Variants in DPYD observed in about 807,000 individuals in gnomAD.
DPYD encodes the protein dihydropyrimidine dehydrogenase [NADP(+)].
DPYD carries 109 observed loss-of-function variants against 116.2 expected under a neutral mutation model. That is an observed-to-expected ratio of 0.94 (90% CI 0.80 to 1.10). The LOEUF (loss-of-function observed/expected upper bound fraction) is 1.10. Ranked by LOEUF, DPYD falls within the 50% of genes least tolerant of loss-of-function variation. DPYD has a pLI of 0.00. For synonymous variants in DPYD, 440 were observed against 432.0 expected, an observed-to-expected ratio of 1.02 and a Z score of -0.23; for missense variants, 1,302 against 1,254.5, an observed-to-expected ratio of 1.04 and a Z score of -0.57.
At chr1:97,367,447 G>A (rs1037301368) in intron 16 of DPYD, among the ~76,000 whole-genome samples, 12 of 151,968 alleles carry the variant, frequency 7.9e-5, no homozygotes, top group African/African-American at 2.2e-4. Context: ...TAGCTAAATC[G>A]TCATGAAAGC....
intron 3 of DPYD, among the ~76,000 whole-genome samples, chr1:97,814,127 A>G (rs1350207780): frequency 6.6e-6 from 1 of 152,152 alleles, no homozygotes; most frequent in African/African-American, 2.4e-5. Context: ...TGAAGCTGAG[A>G]GCTGAATAGC....
At chr1:97,172,661 C>T (rs751871014) in intron 20 of DPYD, among the ~76,000 whole-genome samples, 4 of 152,166 alleles carry the variant, frequency 2.6e-5, no homozygotes, top group Non-Finnish European at 5.9e-5. Flanking sequence ...AATGTAAAAG[C>T]GAAACTCACA....
At chr1:97,318,879 A>G (rs1176419432) in intron 16 of DPYD, among the ~76,000 whole-genome samples, 3 of 149,324 alleles carry the variant, frequency 2.0e-5, no homozygotes, top group East Asian at 2.0e-4. Flanking sequence ...ATAACAAACT[A>G]TCTCTCAGAC....
chr1:97,735,249 A>T (rs1042908330), intron 4 of DPYD, among the ~76,000 whole-genome samples: 2 of 152,156 alleles, frequency 1.3e-5, no homozygotes, highest in Non-Finnish European at 2.9e-5. Flanking sequence ...ATAATAATAA[A>T]AATTCAATGA....
chr1:97,607,342 T>G (rs1340490342), intron 8 of DPYD, among the ~76,000 whole-genome samples: 1 of 151,942 alleles, frequency 6.6e-6, no homozygotes, highest in Non-Finnish European at 1.5e-5. Context: ...TTCTAATTTT[T>G]TTTTATTACA....
At chr1:97,479,849 T>A (rs1196950365) in intron 13 of DPYD, among the ~76,000 whole-genome samples, 1 of 152,224 alleles carries the variant, frequency 6.6e-6, no homozygotes, top group East Asian at 1.9e-4. Flanking sequence ...CATTCCTATA[T>A]TTGTTCTTAC....
chr1:97,470,133 C>T (rs1677560467), intron 13 of DPYD, among the ~76,000 whole-genome samples: 1 of 152,002 alleles, frequency 6.6e-6, no homozygotes, highest in Non-Finnish European at 1.5e-5. Flanking sequence ...TCATACATTC[C>T]CCCTGCATTT....
intron 19 of DPYD, among the ~76,000 whole-genome samples, chr1:97,196,643 C>G (rs1370382564): frequency 6.6e-6 from 1 of 152,064 alleles, no homozygotes; most frequent in Non-Finnish European, 1.5e-5. Context: ...CTTTAGTCCT[C>G]AAGATAACCC....
chr1:97,739,145 T>C (rs547947484), intron 4 of DPYD, among the ~76,000 whole-genome samples: 2 of 152,122 alleles, frequency 1.3e-5, no homozygotes, highest in Admixed American at 6.6e-5. Context: ...GAGATCTTTA[T>C]TAAAAAATGT....
intron 2 of DPYD, among the ~76,000 whole-genome samples, chr1:97,837,084 G>T (rs780537722): frequency 1.3e-5 from 2 of 152,016 alleles, no homozygotes; most frequent in Non-Finnish European, 2.9e-5. Flanking sequence ...ATATCCTTCT[G>T]GTTTTGGAGG....
At chr1:97,481,370 T>C (rs1309909419) in intron 13 of DPYD, among the ~76,000 whole-genome samples, 1 of 152,234 alleles carries the variant, frequency 6.6e-6, no homozygotes, top group African/African-American at 2.4e-5. Flanking sequence ...GTTGTTGAGA[T>C]ACTTTTGGAA....
At chr1:97,597,563 G>A (rs1348397662) in intron 8 of DPYD, among the ~76,000 whole-genome samples, 4 of 152,198 alleles carry the variant, frequency 2.6e-5, no homozygotes, top group African/African-American at 4.8e-5. Flanking sequence ...GGTAGGTATT[G>A]CTGGGAAAGC....
chr1:97,090,714 A>G, intron 21 of DPYD, among the ~76,000 whole-genome samples: 1 of 152,196 alleles, frequency 6.6e-6, no homozygotes, highest in South Asian at 2.1e-4. Flanking sequence ...GAGCTCCATA[A>G]GGATAGACGT....
At chr1:97,372,538 C>A (rs1446840219) in intron 16 of DPYD, among the ~76,000 whole-genome samples, 1 of 152,074 alleles carries the variant, frequency 6.6e-6, no homozygotes, top group African/African-American at 2.4e-5. Context: ...TTTGACTAGA[C>A]CCTCCTTTCT....
chr1:97,278,432 A>G (rs1665096120), intron 18 of DPYD, among the ~76,000 whole-genome samples: 1 of 152,250 alleles, frequency 6.6e-6, no homozygotes, highest in South Asian at 2.1e-4. Context: ...GGACAGGGAA[A>G]GAGATGTGCC....
rs541594519 is a variant in DPYD, at chr1:97,445,193, C to T, written c.1905+4866G>A. Reference sequence around the variant, plus strand: ...AGTCATAACTACAGATTTGATTGGACAAGAGATGGATTTTAGCAACTTTCT... The same window carrying T: ...AGTCATAACTACAGATTTGATTGGATAAGAGATGGATTTTAGCAACTTTCT... On this transcript the variant is annotated intron_variant, in intron 14 of 22. Transcript: ENST00000370192. Among the ~76,000 whole-genome samples, 36 of 152,316 alleles carry T rather than the reference C, an allele frequency of 2.4e-4. No individual in the cohort carries two copies. The South Asian group carries it at 7.2e-3, about 31-fold the overall frequency.
At chr1:97,882,410 A>G (rs924524016) in intron 2 of DPYD, among the ~76,000 whole-genome samples, 4 of 152,010 alleles carry the variant, frequency 2.6e-5, no homozygotes, top group Non-Finnish European at 4.4e-5. Context: ...AGTTCATAAT[A>G]TAAGAAGGAG....
At chr1:97,588,713 C>A (rs767291343) in intron 10 of DPYD, among the ~76,000 whole-genome samples, 2 of 152,086 alleles carry the variant, frequency 1.3e-5, no homozygotes, top group Non-Finnish European at 2.9e-5. Flanking sequence ...CCCTAAGGAC[C>A]CATGGCTGAG....
chr1:97,556,916 CT>C (rs1651766372), intron 11 of DPYD, among the ~76,000 whole-genome samples: 1 of 150,322 alleles, frequency 6.7e-6, no homozygotes, highest in Non-Finnish European at 1.5e-5. Flanking sequence ...TTCTAGATCC[CT>C]GAGGAATTGC....
Sources: allele counts gnomAD v4.1 joint callset (sites outside exome capture counted in the v4.1 genomes callset), GRCh38; gene constraint gnomAD v4.1.1; transcripts MANE v1.5; gene names NCBI Gene and HGNC (gene_info 2026-07-23, HGNC 2026-07-21).